Variants in BTBD9 observed in about 807,000 individuals in gnomAD.
BTBD9 encodes BTB domain containing 9, also known as BTB/POZ domain-containing protein 9.
BTBD9 carries 49 observed loss-of-function variants against 64.3 expected under a neutral mutation model. That is an observed-to-expected ratio of 0.76 (90% CI 0.61 to 0.97). The LOEUF (loss-of-function observed/expected upper bound fraction) is 0.97, where lower values mean the gene tolerates loss of function less well. Ranked by LOEUF, BTBD9 falls within the 50% of genes least tolerant of loss-of-function variation. The pLI, the probability that BTBD9 is intolerant of heterozygous loss-of-function variation, is 0.00. For missense variants in BTBD9, 598 were observed against 762.1 expected, an observed-to-expected ratio of 0.78 and a Z score of 2.53; for synonymous variants, 260 against 274.7, an observed-to-expected ratio of 0.95 and a Z score of 0.53.
chr6:38,597,160 G>A (rs1470020436), intron 2 of BTBD9, among the ~76,000 whole-genome samples: 1 of 152,108 alleles, frequency 6.6e-6, no homozygotes, highest in Non-Finnish European at 1.5e-5. Context: ...TTGCTGTCTT[G>A]CTTAATTCTG....
At chr6:38,202,612 T>C (rs991798588) in intron 9 of BTBD9, among the ~76,000 whole-genome samples, 1 of 152,024 alleles carries the variant, frequency 6.6e-6, no homozygotes, top group African/African-American at 2.4e-5. Context: ...TAAATCCACA[T>C]ATCTACAGCC....
At chr6:38,626,696 C>T (rs1367082429) in intron 1 of BTBD9, among the ~76,000 whole-genome samples, 2 of 152,128 alleles carry the variant, frequency 1.3e-5, no homozygotes, top group African/African-American at 2.4e-5. Context: ...TTAGAAATAG[C>T]GGGGCCTACT....
chr6:38,469,053 A>G (rs1305722230), intron 6 of BTBD9, among the ~76,000 whole-genome samples: 3 of 152,122 alleles, frequency 2.0e-5, no homozygotes, highest in African/African-American at 7.2e-5. Flanking sequence ...AGTCCTACTA[A>G]TCTTGTTGGT....
At chr6:38,307,265 G>A (rs1299313251) in intron 7 of BTBD9, among the ~76,000 whole-genome samples, 3 of 152,162 alleles carry the variant, frequency 2.0e-5, no homozygotes, top group Non-Finnish European at 2.9e-5. Flanking sequence ...TAGCTAATTA[G>A]AGAACAAGCC....
At position 38,201,280 on chromosome 6, in the gene BTBD9, T is replaced by C. The variant is rs1582041682; in HGVS notation, c.1563-8683A>G. Reference sequence around the variant, plus strand: ...GGGATCTAACCCAGGGATGCAAGGATGGTTTAACAGACACAAATCAATAAA... The same window carrying C: ...GGGATCTAACCCAGGGATGCAAGGACGGTTTAACAGACACAAATCAATAAA... On this transcript the variant is annotated intron_variant, in intron 9 of 10. Transcript: ENST00000481247. Among the ~76,000 whole-genome samples, 4 of 152,324 alleles carry C rather than the reference T, an allele frequency of 2.6e-5. 1 individual carries two copies. In the East Asian group the frequency reaches 7.7e-4, roughly 29 times the overall value.
intron 6 of BTBD9, among the ~76,000 whole-genome samples, chr6:38,361,146 C>T (rs1764939083): frequency 6.6e-6 from 1 of 152,180 alleles, no homozygotes; most frequent in African/African-American, 2.4e-5. Context: ...CCCTTAGAGA[C>T]TGTCATTTAA....
chr6:38,217,971 C>T (rs1351375913), intron 9 of BTBD9, among the ~76,000 whole-genome samples: 1 of 152,138 alleles, frequency 6.6e-6, no homozygotes, highest in East Asian at 1.9e-4. Flanking sequence ...CTGACCCTCC[C>T]TTACATGCTA....
At chr6:38,616,294 G>A (rs73414319) in intron 1 of BTBD9, among the ~76,000 whole-genome samples, 2,519 of 152,284 alleles carry the variant, frequency 0.017, 68 homozygotes, top group African/African-American at 0.057. Context: ...TTTCAGCATA[G>A]TAAGACCCTG....
intron 6 of BTBD9, among the ~76,000 whole-genome samples, chr6:38,469,745 T>C (rs1397996200): frequency 6.6e-6 from 1 of 152,190 alleles, no homozygotes. Flanking sequence ...TTAATTTGAA[T>C]TGCACAAATA....
chr6:38,288,799 T>C (rs1761850205), intron 7 of BTBD9, among the ~76,000 whole-genome samples: 1 of 151,396 alleles, frequency 6.6e-6, no homozygotes, highest in Non-Finnish European at 1.5e-5. Context: ...TGGTGGCGTG[T>C]GCCTGTAGTC....
intron 6 of BTBD9, among the ~76,000 whole-genome samples, chr6:38,373,488 T>C (rs2127606804): frequency 6.6e-6 from 1 of 152,284 alleles, no homozygotes; most frequent in East Asian, 1.9e-4. Context: ...CCATAAAACA[T>C]GCACTTCAGA....
intron 6 of BTBD9, among the ~76,000 whole-genome samples, chr6:38,417,630 TG>T: frequency 6.6e-6 from 1 of 152,024 alleles, no homozygotes; most frequent in East Asian, 1.9e-4. Context: ...AAAAATAAGC[TG>T]GGCATGGTGG....
At chr6:38,328,017 CACTT>C (rs1252094279) in intron 7 of BTBD9, among the ~76,000 whole-genome samples, 2 of 152,202 alleles carry the variant, frequency 1.3e-5, no homozygotes, top group African/African-American at 4.8e-5. Context: ...CCTTGTCCCT[CACTT>C]AAAGTAGGCA....
intron 10 of BTBD9, among the ~76,000 whole-genome samples, chr6:38,176,077 G>A (rs1202467179): frequency 1.3e-5 from 2 of 152,328 alleles, no homozygotes; most frequent in East Asian, 3.9e-4. Context: ...CGCAAGCAAG[G>A]GTAAGCCATG....
chr6:38,192,402 C>A, intron 10 of BTBD9, 117 bp downstream of exon 10: 7 of 875,932 alleles, frequency 8.0e-6, no homozygotes, highest in Non-Finnish European at 1.3e-5. Flanking sequence ...CCACACCAAG[C>A]TGTCTGAATA....
At chr6:38,587,055 C>A (rs1350493309) in intron 4 of BTBD9, among the ~76,000 whole-genome samples, 1 of 149,316 alleles carries the variant, frequency 6.7e-6, no homozygotes, top group African/African-American at 2.5e-5. Context: ...AAGAGTGAGA[C>A]TCCATCTCAA....
chr6:38,277,236 G>GT (rs1697086848), intron 8 of BTBD9, among the ~76,000 whole-genome samples: 2 of 152,074 alleles, frequency 1.3e-5, no homozygotes, highest in African/African-American at 4.8e-5. Context: ...TTTTCAAGAA[G>GT]TAAGTGTCAT....
chr6:38,397,312 T>C (rs1018509108), intron 6 of BTBD9, among the ~76,000 whole-genome samples: 1 of 152,186 alleles, frequency 6.6e-6, no homozygotes, highest in Admixed American at 6.5e-5. Context: ...AGTACACAAG[T>C]TAAGCAAGAA....
chr6:38,396,311 T>C (rs1252040086), intron 6 of BTBD9, among the ~76,000 whole-genome samples: 4 of 152,222 alleles, frequency 2.6e-5, no homozygotes, highest in African/African-American at 9.6e-5. Context: ...TTAGTTAGTG[T>C]ACTGAATGTG....
Sources: gnomAD v4.1 joint callset for allele counts (sites outside exome capture counted in the v4.1 genomes callset) on GRCh38, gnomAD v4.1.1 for gene constraint, MANE v1.5 for transcripts, NCBI Gene and HGNC (gene_info 2026-07-23, HGNC 2026-07-21) for gene names.